DNTTIP2: variants seen among roughly 807,000 people sequenced by gnomAD.
DNTTIP2 encodes the protein deoxynucleotidyltransferase terminal-interacting protein 2.
Under a neutral mutation model 62.4 loss-of-function variants are expected in DNTTIP2, and 47 were observed. The observed-to-expected ratio is 0.75, with a 90% CI of 0.60 to 0.96. The LOEUF (loss-of-function observed/expected upper bound fraction) is 0.96. Among genes scored for constraint, DNTTIP2 ranks in the 40% least tolerant of loss-of-function variants. The pLI is 0.00. For missense variants in DNTTIP2, 870 were observed against 849.1 expected (o/e 1.02, Z -0.31); for synonymous variants, 322 against 300.9 (o/e 1.07, Z -0.73).
chr1:93,871,057 A>T (rs1384503046), intron 5 of DNTTIP2: 2 of 241,330 alleles, frequency 8.3e-6, no homozygotes, highest in Non-Finnish European at 1.6e-5. Context: ...TAAAGGAGAA[A>T]AGTGGAACAG....
chr1:93,876,651 C>A lies in DNTTIP2; in HGVS notation c.1284G>T (p.Thr428=), dbSNP rs180694931. Residue 428 remains threonine, a synonymous_variant, in exon 2 of 7, where the codon ACG becomes ACT. Coordinates refer to ENST00000436063, the MANE Select transcript of DNTTIP2 (RefSeq NM_014597.5). ...TACCCTGAGATGTGTTGGGCGCAGA[C>A]GTGTATAGTTTGGTATCACATTCAA... The part of the protein sequence containing the change: ...VDFECDTKLY[T]SAPNTSQGKD... The A allele has an allele frequency of 8.6e-4, 1,391 of 1,614,020 alleles. 1 individual carries two copies. The highest frequency in any genetic ancestry group is 1.5e-3 in the Admixed American group (89 of 60,034).
rs1241666042 is a variant in DNTTIP2 at position 93,868,239 on chromosome 1, G to GA, written c.*1611dup. 9.2e-5 allele frequency: 14 copies of GA among 152,188 alleles called. No individual in the cohort carries two copies. Among genetic ancestry groups the GA allele is most frequent in the Admixed American group, 6.5e-4 (10 of 15,292 alleles). The allele number at this position is 152,188 out of a possible 1,614,324, so 9.4% of individuals were successfully genotyped here. ...AGACATTTATGCAGCCAACAAACAT[G>GA]AAAAAACGCTCATTATCACTGCTCA... On this transcript the variant is annotated 3_prime_UTR_variant, in exon 7 of 7. Transcript: ENST00000436063.
rs1391781771 is a variant in DNTTIP2, at chr1:93,876,808, T to C, written c.1127A>G (p.Asn376Ser). ...TFATVEVGRW[N>S]NNKKSPIKAS... ...TTTTATGGGGCTCTTTTTGTTGTTA[T>C]TCCATCTGCCTACTTCCACAGTTGC... Residue 376 changes from asparagine to serine, a missense_variant, in exon 2 of 7, where the codon AAT (asparagine) becomes AGT (serine). Coordinates refer to ENST00000436063, the MANE Select transcript of DNTTIP2 (RefSeq NM_014597.5). 6.2e-7 allele frequency: 1 copy of C among 1,613,984 alleles called. No homozygotes were observed. The highest frequency in any genetic ancestry group is 1.7e-5 in the Admixed American group (1 of 60,022).
At position 93,868,335 on chromosome 1, in the gene DNTTIP2, A is replaced by C. The variant is rs1655771220; in HGVS notation, c.*1516T>G. On this transcript the variant is annotated 3_prime_UTR_variant, in exon 7 of 7. Coordinates refer to ENST00000436063, the MANE Select transcript of DNTTIP2 (RefSeq NM_014597.5). ...CCAGTTAGAATGGCAATCATTAAAAAGTCAGGAAACAACAGATGCTGGAGA... is the reference window on the plus strand; with the variant it reads ...CCAGTTAGAATGGCAATCATTAAAACGTCAGGAAACAACAGATGCTGGAGA... The C allele has an allele frequency of 6.6e-6, 1 of 152,224 alleles. No individual in the cohort carries two copies. Among genetic ancestry groups the C allele is most frequent in the African/African-American group, 2.4e-5 (1 of 41,464 alleles). 9.4% of individuals were successfully genotyped at this position (152,224 alleles called of 1,614,324 possible).
chr1:93,872,776 AG>A (rs1024012759), intron 4 of DNTTIP2, among the ~76,000 whole-genome samples: 1 of 152,146 alleles, frequency 6.6e-6, no homozygotes, highest in African/African-American at 2.4e-5. Flanking sequence ...ACCATGTGCC[AG>A]GGTGCTCCAT....
chr1:93,873,142 A>G lies in DNTTIP2; in HGVS notation c.1879T>C (p.Tyr627His). The change falls in exon 4 of 7, where the codon TAT becomes CAT. Residue 627 changes from tyrosine to histidine, a missense_variant. Tyr to His is a moderately conservative substitution (Grantham distance 83). Coordinates refer to ENST00000436063, the MANE Select transcript of DNTTIP2 (RefSeq NM_014597.5). Reference sequence around the variant, plus strand: ...ACTCTGCGTTTTTTCTGAAGTTGATACTTTGATTCACTATATGGTGGAACA... The same window carrying G: ...ACTCTGCGTTTTTTCTGAAGTTGATGCTTTGATTCACTATATGGTGGAACA... ...HCVPPYSESK[Y>H]QLQKKRRKER... is the part of the protein sequence containing the mutation. The G allele has an allele frequency of 6.2e-7, 1 of 1,612,046 alleles. No individual in the cohort carries two copies. The highest frequency in any genetic ancestry group is 1.3e-5 in the African/African-American group (1 of 74,986).
In DNTTIP2 at chr1:93,867,381, G is replaced by A. The variant is rs1655748573; in HGVS notation, c.*2470C>T. On this transcript the variant is annotated 3_prime_UTR_variant, in exon 7 of 7. Coordinates refer to ENST00000436063, the MANE Select transcript of DNTTIP2 (RefSeq NM_014597.5). ...CCAGCACTTTGGGAGGCCGAGGCGG[G>A]TGGATCACTTGAGGTAAGGATGGCA... The A allele has an allele frequency of 6.6e-6, 1 of 152,080 alleles. No homozygotes were observed. The highest frequency in any genetic ancestry group is 2.1e-4 in the South Asian group (1 of 4,814). The allele number at this position is 152,080 out of a possible 1,614,324, so 9.4% of individuals were successfully genotyped here.
Position 93,869,009 on chromosome 1 carries a change from A to G in DNTTIP2, c.*842T>C, listed in dbSNP as rs182110040. ...TTATTAAAAAAAAAAAAGATTTCATATTTGCTGATATCTCAAGGAAGCAGT... is the reference window on the plus strand; with the variant it reads ...TTATTAAAAAAAAAAAAGATTTCATGTTTGCTGATATCTCAAGGAAGCAGT... On this transcript the variant is annotated 3_prime_UTR_variant, in exon 7 of 7. Transcript: ENST00000436063. 6.6e-6 allele frequency: 1 copy of G among 152,172 alleles called. No individual in the cohort carries two copies. Among genetic ancestry groups the G allele is most frequent in the East Asian group, 1.9e-4 (1 of 5,174 alleles). 9.4% of individuals were successfully genotyped at this position (152,172 alleles called of 1,614,324 possible). A position where few individuals can be genotyped will look rare whatever the true frequency, so the allele number is the denominator to read the frequency against.
Position 93,872,186 on chromosome 1 carries a change from T to C in DNTTIP2, c.1953A>G (p.Pro651=). 6.2e-7 allele frequency: 1 copy of C among 1,613,922 alleles called. No homozygotes were observed. The highest frequency in any genetic ancestry group is 8.5e-7 in the Non-Finnish European group (1 of 1,179,822). The change falls in exon 5 of 7, where the codon CCA becomes CCG. Residue 651 remains proline (P), a synonymous_variant. Coordinates refer to ENST00000436063, the MANE Select transcript of DNTTIP2 (RefSeq NM_014597.5). ...CATTTTTCAGTTCATTTGTCATTTC[T>C]GGAGCTTTCATACCAAACCAGCCAT... ...AGDGWFGMKA[P]EMTNELKNDL...
intron 3 of DNTTIP2, among the ~76,000 whole-genome samples, chr1:93,874,461 T>A (rs1034979459): frequency 2.0e-5 from 3 of 151,830 alleles, no homozygotes; most frequent in Non-Finnish European, 4.4e-5. Flanking sequence ...AACAGAGGGG[T>A]TGTGAGAAGG....
At position 93,872,213 on chromosome 1, in the gene DNTTIP2, C is replaced by T; in HGVS notation, c.1926G>A (p.Gly642=). 6.2e-7 allele frequency: 1 copy of T among 1,613,418 alleles called. No homozygotes were observed. Among genetic ancestry groups the T allele is most frequent in the Non-Finnish European group, 8.5e-7 (1 of 1,179,680 alleles). Residue 642 remains glycine, a synonymous_variant, in exon 5 of 7, where the codon GGG becomes GGA. Transcript: ENST00000436063. ...GAGCTTTCATACCAAACCAGCCATC[C>T]CCTGCTGTTTTTTGTCGTTCTTTCT... The part of the protein sequence containing the change: ...KRRKERQKTA[G]DGWFGMKAPE...
intron 5 of DNTTIP2, chr1:93,871,051 G>A (rs1158826542): frequency 2.0e-5 from 5 of 247,232 alleles, no homozygotes; most frequent in Non-Finnish European, 3.8e-5. Flanking sequence ...TGTAACTAAA[G>A]GAGAAAAGTG....
At chr1:93,873,500 G>A (rs551627810) in intron 3 of DNTTIP2, 13 of 251,654 alleles carry the variant, frequency 5.2e-5, no homozygotes, top group South Asian at 4.5e-4. Flanking sequence ...TACTCAGGAC[G>A]CTAAGGCAGA....
intron 1 of DNTTIP2, 24 bp from the exon 2 acceptor site, chr1:93,877,886 G>A (rs2100890271): frequency 6.3e-7 from 1 of 1,587,422 alleles, no homozygotes; most frequent in Non-Finnish European, 8.5e-7. Context: ...AAAACACACT[G>A]TAATTTAGGT....
chr1:93,877,615 G>A lies in DNTTIP2; in HGVS notation c.320C>T (p.Thr107Ile). 6.2e-7 allele frequency: 1 copy of A among 1,613,970 alleles called. No individual in the cohort carries two copies. Among genetic ancestry groups the A allele is most frequent in the Non-Finnish European group, 8.5e-7 (1 of 1,179,878 alleles). The change falls in exon 2 of 7, where the codon ACT (threonine) becomes ATT (isoleucine). Residue 107 changes from threonine to isoleucine, a missense_variant. Thr to Ile is a moderately conservative substitution (Grantham distance 89). Coordinates refer to ENST00000436063, the MANE Select transcript of DNTTIP2 (RefSeq NM_014597.5). ...TGCAATTAAGATCTGCCTTCTCCTA[G>A]TTACCCTTAAAATGGTATCATGGTG... ...SEHHDTILRV[T>I]RRRQILIACS...
At chr1:93,874,559 A>T (rs1405047752) in intron 3 of DNTTIP2, among the ~76,000 whole-genome samples, 1 of 152,224 alleles carries the variant, frequency 6.6e-6, no homozygotes, top group African/African-American at 2.4e-5. Flanking sequence ...CAACTACAGT[A>T]GTCTTCAGTG....
At position 93,875,789 on chromosome 1, in the gene DNTTIP2, AAAG is replaced by A; in HGVS notation, c.1668-9_1668-7del. On this transcript the variant is annotated splice_polypyrimidine_tract_variant and splice_region_variant and intron_variant, in intron 2 of 6. Coordinates refer to ENST00000436063, the MANE Select transcript of DNTTIP2 (RefSeq NM_014597.5). ...TGCTGCTTGTCAACTTCAGACTGAA[AAAG>A]AAATCATCACTTAAAGATCAAGTAA... 6.2e-7 allele frequency: 1 copy of A among 1,604,360 alleles called. No homozygotes were observed. The highest frequency in any genetic ancestry group is 8.5e-7 in the Non-Finnish European group (1 of 1,177,258).
rs1277633727 is a variant in DNTTIP2, at chr1:93,869,007, A to G, written c.*844T>C. 1.3e-5 allele frequency: 2 copies of G among 152,114 alleles called. No homozygotes were observed. Among genetic ancestry groups the G allele is most frequent in the Non-Finnish European group, 2.9e-5 (2 of 68,028 alleles). 9.4% of individuals were successfully genotyped at this position (152,114 alleles called of 1,614,324 possible). A position where few individuals can be genotyped will look rare whatever the true frequency, so the allele number is the denominator to read the frequency against. On this transcript the variant is annotated 3_prime_UTR_variant, in exon 7 of 7. Coordinates refer to ENST00000436063, the MANE Select transcript of DNTTIP2 (RefSeq NM_014597.5). Reference sequence around the variant, plus strand: ...TATTATTAAAAAAAAAAAAGATTTCATATTTGCTGATATCTCAAGGAAGCA... The same window carrying G: ...TATTATTAAAAAAAAAAAAGATTTCGTATTTGCTGATATCTCAAGGAAGCA...
Position 93,868,960 on chromosome 1 carries a change from TTC to T in DNTTIP2, c.*889_*890del, listed in dbSNP as rs1655786790. 1 of 147,528 alleles carries T rather than the reference TTC, an allele frequency of 6.8e-6. No individual in the cohort carries two copies. The highest frequency in any genetic ancestry group is 2.5e-5 in the African/African-American group (1 of 40,384). The allele number at this position is 147,528 out of a possible 1,614,324, so 9.1% of individuals were successfully genotyped here. A position where few individuals can be genotyped will look rare whatever the true frequency, so the allele number is the denominator to read the frequency against. ...CGTGTATACCTATGTAACCTGCATG[TTC>T]TACACATGTACCCCAAAACTATTAT... On this transcript the variant is annotated 3_prime_UTR_variant, in exon 7 of 7. Transcript: ENST00000436063.
Sources: allele counts gnomAD v4.1 joint callset (sites outside exome capture counted in the v4.1 genomes callset), GRCh38; gene constraint gnomAD v4.1.1; transcripts MANE v1.5; gene names NCBI Gene and HGNC (gene_info 2026-07-23, HGNC 2026-07-21).